PHRF1: variants seen among roughly 807,000 people sequenced by gnomAD.
The protein encoded by PHRF1 is PHD and RING finger domain-containing protein 1.
PHRF1 carries 53 observed loss-of-function variants against 128.9 expected under a neutral mutation model. The ratio of observed to expected loss-of-function variants is 0.41; its 90% CI spans 0.33 to 0.52. The LOEUF is 0.52. PHRF1 is among the 20% of genes least tolerant of loss of function. PHRF1 has a pLI of 0.21. For synonymous variants in PHRF1, 1,178 were observed against 980.6 expected, an observed-to-expected ratio of 1.20 and a Z score of -3.76; for missense variants, 2,503 against 2,284.5, an observed-to-expected ratio of 1.10 and a Z score of -1.95.
At chr11:594,719 C>G (rs970885039) in intron 6 of PHRF1, among the ~76,000 whole-genome samples, 1 of 152,186 alleles carries the variant, frequency 6.6e-6, no homozygotes. Context: ...ACCTCGGCCT[C>G]CCAAAGTGCT....
intron 6 of PHRF1, among the ~76,000 whole-genome samples, chr11:594,431 T>C (rs1391373866): frequency 1.3e-5 from 2 of 152,230 alleles, no homozygotes; most frequent in African/African-American, 4.8e-5. Flanking sequence ...ATTTACTTAT[T>C]TTTTTCAAGG....
chr11:603,725 GT>G (rs1233128066), intron 10 of PHRF1, among the ~76,000 whole-genome samples: 4 of 103,282 alleles, frequency 3.9e-5, no homozygotes, highest in Non-Finnish European at 7.3e-5. Flanking sequence ...CCATATTTAA[GT>G]TTGTTTTTTT....
intron 3 of PHRF1, among the ~76,000 whole-genome samples, chr11:584,729 CTTTTTTTTTTTT>C (rs869125196): frequency 1.4e-4 from 13 of 90,322 alleles, no homozygotes; most frequent in East Asian, 1.3e-3. Flanking sequence ...TCTCCAGGAC[CTTTTTTTTTTTT>C]TTTTTTTTTT....
intron 17 of PHRF1, 80 bp downstream of exon 17, chr11:611,162 G>A: frequency 1.9e-6 from 3 of 1,581,388 alleles, no homozygotes; most frequent in South Asian, 2.3e-5. Flanking sequence ...ATGGACTTTG[G>A]GGTGGCCATG....
Position 594,264 on chromosome 11 carries a change from A to G in PHRF1, c.620+1590A>G, listed in dbSNP as rs936471. ...ATCGCTGGACACGGCCTGAGAGACCATGGCATGATAGACCTGGTCCTGGTC... is the reference window on the plus strand; with the variant it reads ...ATCGCTGGACACGGCCTGAGAGACCGTGGCATGATAGACCTGGTCCTGGTC... On this transcript the variant is annotated intron_variant, in intron 6 of 17. Transcript: ENST00000264555. 6.3e-3 allele frequency among the ~76,000 whole-genome samples: 953 copies of G among 151,254 alleles called. 9 individuals carry two copies. Among genetic ancestry groups the G allele is most frequent in the African/African-American group, 0.022 (900 of 40,526 alleles).
In PHRF1 at chr11:586,424, C is replaced by T. The variant is rs1854565358; in HGVS notation, c.215-835C>T. The stretch of plus-strand genomic sequence containing the variant: ...GTTCTGGGTGTGTCTTTCCCTTTGC[C>T]AGATAACAGAGGGTCCTGGCAGTGA... On this transcript the variant is annotated intron_variant, in intron 3 of 17. Transcript: ENST00000264555. Among the ~76,000 whole-genome samples, 2 of 152,226 alleles carry T rather than the reference C, an allele frequency of 1.3e-5. 1 individual carries two copies. Among genetic ancestry groups the T allele is most frequent in the South Asian group, 4.1e-4 (2 of 4,836 alleles).
At position 609,337 on chromosome 11, in the gene PHRF1, GCA is replaced by G. The variant is rs1440799631; in HGVS notation, c.3884_3885del (p.Thr1295ArgfsTer34). 6.2e-7 allele frequency: 1 copy of G among 1,612,470 alleles called. No individual in the cohort carries two copies. Among genetic ancestry groups the G allele is most frequent in the Non-Finnish European group, 8.5e-7 (1 of 1,179,888 alleles). On this transcript the variant is annotated frameshift_variant, in exon 14 of 18. Transcript: ENST00000264555. LOFTEE classifies it high-confidence loss of function. ...ATGAGCTCGCCACCTTCTCCCGAAA[GCA>G]CAGACTCTTCCCCGGAGCGAGACTT...
At chr11:588,613 A>C (rs976181997) in intron 4 of PHRF1, among the ~76,000 whole-genome samples, 1 of 151,952 alleles carries the variant, frequency 6.6e-6, no homozygotes, top group Non-Finnish European at 1.5e-5. Context: ...TCCCAACCTC[A>C]GGTGATCCAC....
In PHRF1 at chr11:608,555, G is replaced by A. The variant is rs367662812; in HGVS notation, c.3099G>A (p.Ala1033=). Residue 1033 remains alanine, a synonymous_variant, in exon 14 of 18, where the codon GCG becomes GCA. Transcript: ENST00000264555. ...SESRDRSSRS[A]SPSVGEERPR... is the part of the protein sequence containing the mutation. ...CCAGGGACAGGAGCTCGAGGTCAGC[G>A]TCACCATCAGTGGGTGAGGAGCGCC... 5.6e-5 allele frequency: 91 copies of A among 1,612,146 alleles called. No individual in the cohort carries two copies. Among genetic ancestry groups the A allele is most frequent in the African/African-American group, 6.7e-5 (5 of 74,912 alleles).
rs538959900 is a variant in PHRF1, at chr11:587,305, G to A, written c.261G>A (p.Ala87=). 6 of 1,613,672 alleles carry A rather than the reference G, an allele frequency of 3.7e-6. No homozygotes were observed. Among genetic ancestry groups the A allele is most frequent in the African/African-American group, 2.7e-5 (2 of 75,062 alleles). Residue 87 remains alanine (A), a synonymous_variant, in exon 4 of 18, where the codon GCG becomes GCA. Coordinates refer to ENST00000264555, the MANE Select transcript of PHRF1 (RefSeq NM_001286581.2). ...ACGGGGAGACATTGCTGGAGGTAGCGGGTACTCAGGGGAAACTGGAAGCCG... is the reference window on the plus strand; with the variant it reads ...ACGGGGAGACATTGCTGGAGGTAGCAGGTACTCAGGGGAAACTGGAAGCCG... ...EDDGETLLEV[A]GTQGKLEAAG... is the part of the protein sequence containing the mutation.
chr11:586,112 C>T (rs1319466223), intron 3 of PHRF1, among the ~76,000 whole-genome samples: 1 of 152,202 alleles, frequency 6.6e-6, no homozygotes, highest in South Asian at 2.1e-4. Flanking sequence ...CCACCTGCCT[C>T]AGCCTCCCAA....
intron 1 of PHRF1, among the ~76,000 whole-genome samples, chr11:580,672 G>C (rs942275386): frequency 6.6e-6 from 1 of 152,220 alleles, no homozygotes; most frequent in African/African-American, 2.4e-5. Flanking sequence ...TTCGTATATG[G>C]TGTTGCGATT....
chr11:584,492 G>C (rs1250205386), intron 3 of PHRF1, among the ~76,000 whole-genome samples: 1 of 152,150 alleles, frequency 6.6e-6, no homozygotes, highest in Non-Finnish European at 1.5e-5. Context: ...CAGGGGAGGG[G>C]CAGGCTCCAT....
intron 1 of PHRF1, 85 bp downstream of exon 1, chr11:576,677 G>A (rs951303311): frequency 3.4e-5 from 5 of 148,132 alleles, no homozygotes; most frequent in Admixed American, 6.7e-5. Flanking sequence ...TTTGTCTGCG[G>A]CCTGCACCGC....
Position 607,902 on chromosome 11 carries a change from C to G in PHRF1, c.2446C>G (p.Leu816Val), listed in dbSNP as rs754994881. The part of the protein sequence containing the change: ...KEQRKENPSP[L>V]FSIKKTKQLR... The stretch of plus-strand genomic sequence containing the variant: ...GCAGAGGAAGGAGAACCCCTCACCC[C>G]TCTTCTCCATCAAGAAGACGAAGCA... Residue 816 changes from leucine (L) to valine (V), a missense_variant, in exon 14 of 18, where the codon CTC becomes GTC. Leu to Val is a conservative substitution (Grantham distance 32). Coordinates refer to ENST00000264555, the MANE Select transcript of PHRF1 (RefSeq NM_001286581.2). 7 of 1,612,604 alleles carry G rather than the reference C, an allele frequency of 4.3e-6. No individual in the cohort carries two copies. Among genetic ancestry groups the G allele is most frequent in the Non-Finnish European group, 5.9e-6 (7 of 1,179,892 alleles).
At chr11:577,562 C>T in intron 1 of PHRF1, among the ~76,000 whole-genome samples, 1 of 152,282 alleles carries the variant, frequency 6.6e-6, no homozygotes, top group Non-Finnish European at 1.5e-5. Flanking sequence ...CATGACAAGC[C>T]TGGCCTTGGC....
At position 582,043 on chromosome 11, in the gene PHRF1, A is replaced by T. The variant is rs750241393; in HGVS notation, c.176A>T (p.Glu59Val). 3 of 1,605,818 alleles carry T rather than the reference A, an allele frequency of 1.9e-6. No homozygotes were observed. The highest frequency in any genetic ancestry group is 2.6e-6 in the Non-Finnish European group (3 of 1,176,318). Reference sequence around the variant, plus strand: ...GGAGATGGCACAGACGGAGAAGACGAGGGGGCGTCTGAGGAGGAAGACCTG... The same window carrying T: ...GGAGATGGCACAGACGGAGAAGACGTGGGGGCGTCTGAGGAGGAAGACCTG... ...EHGDGTDGED[E>V]GASEEEDLED... The change falls in exon 3 of 18, where the codon GAG (glutamate) becomes GTG (valine). Residue 59 changes from glutamate (E) to valine (V), a missense_variant. Transcript: ENST00000264555.
intron 12 of PHRF1, 32 bp from the exon 13 acceptor site, chr11:606,410 G>T: frequency 6.6e-7 from 1 of 1,520,164 alleles, no homozygotes; most frequent in Non-Finnish European, 8.8e-7. Flanking sequence ...GTGGGAGGCA[G>T]TGACGGCAGG....
At chr11:602,771 T>G (rs1013893953) in intron 10 of PHRF1, among the ~76,000 whole-genome samples, 14 of 137,114 alleles carry the variant, frequency 1.0e-4, no homozygotes, top group South Asian at 2.2e-4. Flanking sequence ...GTTTTTTTTG[T>G]TTTTTTTTTT....
Sources: allele counts gnomAD v4.1 joint callset (sites outside exome capture counted in the v4.1 genomes callset), GRCh38; gene constraint gnomAD v4.1.1; transcripts MANE v1.5; gene names NCBI Gene and HGNC (gene_info 2026-07-23, HGNC 2026-07-21).